WDR19: variants seen among roughly 807,000 people sequenced by gnomAD.
The protein encoded by WDR19 is WD repeat-containing protein 19.
WDR19 carries 121 observed loss-of-function variants against 180.0 expected under a neutral mutation model. The ratio of observed to expected loss-of-function variants is 0.67; its 90% CI spans 0.58 to 0.78. The LOEUF (loss-of-function observed/expected upper bound fraction) is 0.78. Among genes scored for constraint, WDR19 ranks in the 30% least tolerant of loss-of-function variants. WDR19 has a pLI of 0.00. For synonymous variants in WDR19, 497 were observed against 540.7 expected, an observed-to-expected ratio of 0.92 and a Z score of 1.12; for missense variants, 1,450 against 1,640.7, an observed-to-expected ratio of 0.88 and a Z score of 2.01.
chr4:39,188,527 T>C (rs1324202388), intron 3 of WDR19, among the ~76,000 whole-genome samples: 1 of 149,676 alleles, frequency 6.7e-6, no homozygotes, highest in South Asian at 2.1e-4. Context: ...TATAGTGAAC[T>C]ATAATCATTT....
chr4:39,183,749 A>C (rs1725222070), intron 1 of WDR19, among the ~76,000 whole-genome samples: 1 of 152,214 alleles, frequency 6.6e-6, no homozygotes, highest in Admixed American at 6.5e-5. Flanking sequence ...AATTTAAACG[A>C]CTTACTTAAA....
chr4:39,281,232 TATATAGAGAG>T (rs1736489756), intron 36 of WDR19, among the ~76,000 whole-genome samples: 1 of 100,924 alleles, frequency 9.9e-6, no homozygotes, highest in Non-Finnish European at 1.9e-5. Flanking sequence ...TATATATATA[TATATAGAGAG>T]AGAGAGAGAG....
Position 39,189,761 on chromosome 4 carries a change from C to A in WDR19, c.270C>A (p.Ser90Arg). ...GGGATGCCAACACAAATAAGACCAGCCAGTTAGACAATGGCATGAGGTAAG... is the reference window on the plus strand; with the variant it reads ...GGGATGCCAACACAAATAAGACCAGACAGTTAGACAATGGCATGAGGTAAG... ...YLWDANTNKT[S>R]QLDNGMRDQM... is the part of the protein sequence containing the mutation. Residue 90 changes from serine (S) to arginine (R), a missense_variant, in exon 4 of 37, where the codon AGC becomes AGA. By Grantham distance (110) the Ser-to-Arg change is moderately radical. Transcript: ENST00000399820. The A allele has an allele frequency of 6.2e-7, 1 of 1,604,448 alleles. No homozygotes were observed. The highest frequency in any genetic ancestry group is 8.5e-7 in the Non-Finnish European group (1 of 1,177,264).
At chr4:39,275,581 C>T (rs867763651) in intron 33 of WDR19, among the ~76,000 whole-genome samples, 1 of 152,152 alleles carries the variant, frequency 6.6e-6, no homozygotes, top group Admixed American at 6.5e-5. Flanking sequence ...CACCCCCAGA[C>T]ATCATGTCCT....
rs796659495 is a variant in WDR19 at position 39,281,230 on chromosome 4, T to TAGAGAGAG, written c.*13+2568_*13+2569insGAGAGAGA. On this transcript the variant is annotated intron_variant, in intron 36 of 36. Coordinates refer to ENST00000399820, the MANE Select transcript of WDR19 (RefSeq NM_025132.4). The stretch of plus-strand genomic sequence containing the variant: ...ATGTGTGTGTGTATATATATATATA[T>TAGAGAGAG]ATATATAGAGAGAGAGAGAGAGAGA... 7.1e-4 allele frequency among the ~76,000 whole-genome samples: 69 copies of TAGAGAGAG among 97,136 alleles called. 1 individual carries two copies. Among genetic ancestry groups the TAGAGAGAG allele is most frequent in the East Asian group, 2.4e-3 (9 of 3,826 alleles). The allele number at this position is 97,136 out of a possible 152,430, so 63.7% of individuals were successfully genotyped here. A position where few individuals can be genotyped will look rare whatever the true frequency, so the allele number is the denominator to read the frequency against.
intron 28 of WDR19, among the ~76,000 whole-genome samples, chr4:39,264,632 C>T (rs905005185): frequency 6.6e-6 from 1 of 152,192 alleles, no homozygotes; most frequent in South Asian, 2.1e-4. Flanking sequence ...CCTCCATTTT[C>T]CAGTGGCTTT....
intron 24 of WDR19, among the ~76,000 whole-genome samples, chr4:39,252,658 A>G (rs1481019163): frequency 6.6e-6 from 1 of 152,118 alleles, no homozygotes; most frequent in African/African-American, 2.4e-5. Context: ...AACCTTAGGA[A>G]ATAGAGATAT....
At chr4:39,282,136 A>G (rs1022861196) in intron 36 of WDR19, among the ~76,000 whole-genome samples, 1 of 152,214 alleles carries the variant, frequency 6.6e-6, no homozygotes, top group Non-Finnish European at 1.5e-5. Flanking sequence ...TCTCTATCAT[A>G]TAATTAAATC....
In WDR19 at chr4:39,278,658, G is replaced by T. The variant is rs760894410; in HGVS notation, c.*8G>T. ...ACGGAGGAGGAACTGTGATTGGCAC[G>T]TGCAGGTGAGTGGCAGAGCGCCCAC... On this transcript the variant is annotated 3_prime_UTR_variant, in exon 36 of 37. Transcript: ENST00000399820. 1 of 1,598,326 alleles carries T rather than the reference G, an allele frequency of 6.3e-7. No homozygotes were observed. The highest frequency in any genetic ancestry group is 1.1e-5 in the South Asian group (1 of 89,588).
chr4:39,269,185 C>G (rs1029018974), intron 30 of WDR19, among the ~76,000 whole-genome samples: 1 of 152,132 alleles, frequency 6.6e-6, no homozygotes, highest in African/African-American at 2.4e-5. Flanking sequence ...CTGAAGGGCA[C>G]AAGTCCTCTG....
At chr4:39,224,019 A>T (rs1008890177) in intron 14 of WDR19, among the ~76,000 whole-genome samples, 2 of 152,116 alleles carry the variant, frequency 1.3e-5, no homozygotes, top group African/African-American at 2.4e-5. Context: ...GTCTTTCATT[A>T]GTGTTTTATA....
chr4:39,270,080 C>A lies in WDR19; in HGVS notation c.3463C>A (p.His1155Asn). 1 of 1,613,826 alleles carries A rather than the reference C, an allele frequency of 6.2e-7. No individual in the cohort carries two copies. Among genetic ancestry groups the A allele is most frequent in the Non-Finnish European group, 8.5e-7 (1 of 1,179,838 alleles). ...GATGGCCACCAACCTCATGATTCTGCACAGCTATATACTAGTAAAGGTGAG... is the reference window on the plus strand; with the variant it reads ...GATGGCCACCAACCTCATGATTCTGAACAGCTATATACTAGTAAAGGTGAG... ...SEMATNLMIL[H>N]SYILVKIHVK... Residue 1155 changes from histidine to asparagine, a missense_variant, in exon 31 of 37, where the codon CAC (histidine) becomes AAC (asparagine). Transcript: ENST00000399820.
At chr4:39,220,822 A>G (rs1168706185) in intron 14 of WDR19, among the ~76,000 whole-genome samples, 1 of 116,074 alleles carries the variant, frequency 8.6e-6, no homozygotes, top group South Asian at 2.6e-4. Context: ...CATTTTTTAT[A>G]TTTTCTTTTT....
chr4:39,207,144 AC>A (rs1728044567), intron 9 of WDR19, among the ~76,000 whole-genome samples: 1 of 152,224 alleles, frequency 6.6e-6, no homozygotes, highest in Non-Finnish European at 1.5e-5. Context: ...AAGAAATAGA[AC>A]CAATAAAGAA....
Position 39,232,282 on chromosome 4 carries a change from CAAGT to C in WDR19, c.2253+14_2253+17del. The stretch of plus-strand genomic sequence containing the variant: ...TATTGCTGCCCTGGAGGTATGGCAG[CAAGT>C]AAGAATGGAAATTGTGTAAGAGGTA... On this transcript the variant is annotated intron_variant, in intron 19 of 36. Transcript: ENST00000399820. 1 of 1,582,786 alleles carries C rather than the reference CAAGT, an allele frequency of 6.3e-7. No individual in the cohort carries two copies. Among genetic ancestry groups the C allele is most frequent in the East Asian group, 2.2e-5 (1 of 44,498 alleles).
intron 33 of WDR19, 30 bp downstream of exon 33, chr4:39,274,988 A>C (rs762702704): frequency 1.3e-6 from 2 of 1,586,512 alleles, no homozygotes. Context: ...TCTGCTATCT[A>C]ATCGTATTTC....
chr4:39,204,842 G>A (rs1186047481), intron 7 of WDR19, among the ~76,000 whole-genome samples: 3 of 152,156 alleles, frequency 2.0e-5, no homozygotes, highest in Non-Finnish European at 4.4e-5. Context: ...CATTTGCAGT[G>A]GAACTGTCAG....
Position 39,203,737 on chromosome 4 carries a change from C to T in WDR19, c.603+15C>T. On this transcript the variant is annotated intron_variant, in intron 7 of 36. Coordinates refer to ENST00000399820, the MANE Select transcript of WDR19 (RefSeq NM_025132.4). ...CTGAAAGCATGGTAAGAATTCTAATCAAATCCACGTGCAAATCATTTGGGT... is the reference window on the plus strand; with the variant it reads ...CTGAAAGCATGGTAAGAATTCTAATTAAATCCACGTGCAAATCATTTGGGT... The T allele has an allele frequency of 6.2e-7, 1 of 1,603,548 alleles. No individual in the cohort carries two copies. The highest frequency in any genetic ancestry group is 1.1e-5 in the South Asian group (1 of 89,272).
chr4:39,240,015 A>T (rs1201119840), intron 20 of WDR19, among the ~76,000 whole-genome samples: 1 of 152,060 alleles, frequency 6.6e-6, no homozygotes. Flanking sequence ...TCTACAAAAC[A>T]TTCTTTTAAA....
Sources: allele counts gnomAD v4.1 joint callset (sites outside exome capture counted in the v4.1 genomes callset), GRCh38; gene constraint gnomAD v4.1.1; transcripts MANE v1.5; gene names NCBI Gene and HGNC (gene_info 2026-07-23, HGNC 2026-07-21).